Variants in NHLRC3 observed in about 807,000 individuals in gnomAD.
The protein encoded by NHLRC3 is NHL repeat containing 3, also known as NHL repeat-containing protein 3.
In NHLRC3, 23 loss-of-function variants were observed where a neutral mutation model predicts 32.0. The observed-to-expected ratio is 0.72, with a 90% confidence interval of 0.52 to 1.02. NHLRC3 has a LOEUF of 1.02. NHLRC3 is among the 50% of genes least tolerant of loss of function. The pLI, the probability that NHLRC3 is intolerant of heterozygous loss-of-function variation, is 0.00. For synonymous variants in NHLRC3, 159 were observed against 147.9 expected, an observed-to-expected ratio of 1.08 and a Z score of -0.55; for missense variants, 407 against 406.8, an observed-to-expected ratio of 1.00 and a Z score of -0.01.
Position 39,039,597 on chromosome 13 carries a change from A to G in NHLRC3, c.271A>G (p.Thr91Ala), listed in dbSNP as rs760767899. The G allele has an allele frequency of 6.2e-7, 1 of 1,612,410 alleles. No homozygotes were observed. The highest frequency in any genetic ancestry group is 1.1e-5 in the South Asian group (1 of 91,056). The change falls in exon 3 of 7, where the codon ACA (threonine) becomes GCA (alanine). Residue 91 changes from threonine to alanine, a missense_variant. Thr to Ala is a moderately conservative substitution (Grantham distance 58, BLOSUM62 0). Transcript: ENST00000379600. ...GDNIPKILVF[T>A]EDGYFLRAWN... The stretch of plus-strand genomic sequence containing the variant: ...TAACATCCCAAAGATATTAGTGTTC[A>G]CAGAGGATGGATATTTCCTACGAGC...
rs1053636212 is a variant in NHLRC3, at chr13:39,039,192, G to C, written c.141G>C (p.Arg47=). The C allele has an allele frequency of 3.7e-6, 6 of 1,613,720 alleles. No individual in the cohort carries two copies. The East Asian group carries it at 6.7e-5, about 18-fold the overall frequency. ...GGAGAACTGAGAAAATTCTTTACCG[G>C]CTGGATGTGGGTTGGCCTAAGCACC... The part of the protein sequence containing the change: ...VSWRTEKILY[R]LDVGWPKHPE... Residue 47 remains arginine, a synonymous_variant, in exon 2 of 7, where the codon CGG becomes CGC. Transcript: ENST00000379600.
intron 1 of NHLRC3, 144 bp from the exon 2 acceptor site, chr13:39,038,992 C>T (rs1433602384): frequency 8.7e-6 from 6 of 687,884 alleles, no homozygotes; most frequent in Non-Finnish European, 1.2e-5. Flanking sequence ...CATCTAAGCT[C>T]ATTTCTTTGG....
At position 39,038,566 on chromosome 13, in the gene NHLRC3, C is replaced by T. The variant is rs1329552268; in HGVS notation, c.-74C>T. 1.6e-6 allele frequency: 2 copies of T among 1,289,968 alleles called. No individual in the cohort carries two copies. Among genetic ancestry groups the T allele is most frequent in the Non-Finnish European group, 2.3e-6 (2 of 884,708 alleles). 79.9% of individuals were successfully genotyped at this position (1,289,968 alleles called of 1,614,324 possible). A position where few individuals can be genotyped will look rare whatever the true frequency, so the allele number is the denominator to read the frequency against. ...GCAGACCCTCTGTGCCGCTGCAAAC[C>T]GTTGCAGCCTGAGGCTGTCAGGTCC... On this transcript the variant is annotated 5_prime_UTR_variant, in exon 1 of 7. Transcript: ENST00000379600.
chr13:39,047,681 C>T lies in NHLRC3; in HGVS notation c.799C>T (p.Pro267Ser). The change falls in exon 7 of 7, where the codon CCT (proline) becomes TCT (serine). Residue 267 changes from proline to serine, a missense_variant. Transcript: ENST00000379600. The stretch of plus-strand genomic sequence containing the variant: ...AAATGTCTTTCTCCTTAGGTTTACT[C>T]CTGATGGGAAGTACTTGATTGTGGC... The part of the protein sequence containing the change: ...EEGPSSVRFT[P>S]DGKYLIVAQL... The T allele has an allele frequency of 6.2e-7, 1 of 1,612,778 alleles. No individual in the cohort carries two copies. Among genetic ancestry groups the T allele is most frequent in the Non-Finnish European group, 8.5e-7 (1 of 1,178,982 alleles).
Position 39,044,120 on chromosome 13 carries a change from A to T in NHLRC3, c.617A>T (p.Asn206Ile), listed in dbSNP as rs777519063. The T allele has an allele frequency of 6.2e-7, 1 of 1,613,922 alleles. No homozygotes were observed. The highest frequency in any genetic ancestry group is 1.7e-5 in the Admixed American group (1 of 60,024). Residue 206 changes from asparagine to isoleucine, a missense_variant, in exon 5 of 7, where the codon AAT (asparagine) becomes ATT (isoleucine). Physicochemically the swap from Asn to Ile is moderately radical, Grantham distance 149. Coordinates refer to ENST00000379600, the MANE Select transcript of NHLRC3 (RefSeq NM_001012754.4). ...ATGATCCTTTGGCTGCATGGAGAAA[A>T]TGGGACAGGGCCTGCTAAGTTCAAC... ...DFMILWLHGE[N>I]GTGPAKFNIP...
At chr13:39,044,292 G>T in intron 5 of NHLRC3, 111 bp downstream of exon 5, 1 of 782,318 alleles carries the variant, frequency 1.3e-6, no homozygotes, top group Non-Finnish European at 2.2e-6. Flanking sequence ...TATAGATTGT[G>T]GTATACATGT....
chr13:39,039,871 G>T lies in NHLRC3; in HGVS notation c.385+160G>T. The T allele has an allele frequency of 6.9e-6, 4 of 576,856 alleles. No individual in the cohort carries two copies. The South Asian group carries it at 7.6e-5, about 11-fold the overall frequency. The allele number at this position is 576,856 out of a possible 1,614,324, so 35.7% of individuals were successfully genotyped here. ...TTAACAAACTTTATTTTGTACTTCTGTGGAATTAAGAAATTTAACAAGGGC... is the reference window on the plus strand; with the variant it reads ...TTAACAAACTTTATTTTGTACTTCTTTGGAATTAAGAAATTTAACAAGGGC... On this transcript the variant is annotated intron_variant, in intron 3 of 6. Coordinates refer to ENST00000379600, the MANE Select transcript of NHLRC3 (RefSeq NM_001012754.4).
At chr13:39,044,228 T>C (rs1364004338) in intron 5 of NHLRC3, 47 bp downstream of exon 5, 2 of 1,101,094 alleles carry the variant, frequency 1.8e-6, no homozygotes, top group African/African-American at 4.8e-5. Flanking sequence ...TCTGAATATG[T>C]TTGTGTGTGT....
chr13:39,040,487 A>G (rs1315349754), intron 3 of NHLRC3: 1 of 152,236 alleles, frequency 6.6e-6, no homozygotes, highest in African/African-American at 2.4e-5. Context: ...TGACTGAAGC[A>G]TGTCTGAAAT....
chr13:39,039,171 A>G lies in NHLRC3; in HGVS notation c.120A>G (p.Arg40=), dbSNP rs757562276. The part of the protein sequence containing the change: ...LRNFTFAVSW[R]TEKILYRLDV... ...ACTTTACTTTTGCAGTTTCCTGGAG[A>G]ACTGAGAAAATTCTTTACCGGCTGG... Residue 40 remains arginine (R), a synonymous_variant, in exon 2 of 7, where the codon AGA becomes AGG. Coordinates refer to ENST00000379600, the MANE Select transcript of NHLRC3 (RefSeq NM_001012754.4). The G allele has an allele frequency of 1.2e-6, 2 of 1,612,898 alleles. No homozygotes were observed. Among genetic ancestry groups the G allele is most frequent in the Admixed American group, 3.3e-5 (2 of 59,902 alleles).
chr13:39,043,010 G>A (rs1871522140), intron 4 of NHLRC3, among the ~76,000 whole-genome samples: 1 of 152,130 alleles, frequency 6.6e-6, no homozygotes, highest in Admixed American at 6.5e-5. Flanking sequence ...GATTATTAAA[G>A]CCATGTTTTT....
rs1197424913 is a variant in NHLRC3, at chr13:39,042,096, T to G, written c.386-9T>G. ...TTTATTTGTGAGATGTACATATCTA[T>G]CTTTATAGGATTCTTTGGTCATACT... On this transcript the variant is annotated splice_polypyrimidine_tract_variant and intron_variant, in intron 3 of 6. Coordinates refer to ENST00000379600, the MANE Select transcript of NHLRC3 (RefSeq NM_001012754.4). The G allele has an allele frequency of 6.6e-7, 1 of 1,517,922 alleles. No homozygotes were observed. Among genetic ancestry groups the G allele is most frequent in the East Asian group, 2.3e-5 (1 of 44,338 alleles). The allele number at this position is 1,517,922 out of a possible 1,614,324, so 94.0% of individuals were successfully genotyped here. A position where few individuals can be genotyped will look rare whatever the true frequency, so the allele number is the denominator to read the frequency against.
intron 5 of NHLRC3, 51 bp downstream of exon 5, chr13:39,044,232 T>TGGGTGG (rs200936290): frequency 4.6e-5 from 24 of 522,524 alleles, no homozygotes; most frequent in African/African-American, 4.3e-4. Context: ...AATATGTTTG[T>TGGGTGG]GTGTGTGTGT....
intron 3 of NHLRC3, 154 bp downstream of exon 3, chr13:39,039,865 A>G (rs1332222736): frequency 5.0e-6 from 3 of 594,160 alleles, no homozygotes; most frequent in Non-Finnish European, 8.5e-6. Flanking sequence ...TTTATTTTGT[A>G]CTTCTGTGGA....
In NHLRC3 at chr13:39,048,416, C is replaced by G. The variant is rs1871772995; in HGVS notation, c.*490C>G. 1 of 152,792 alleles carries G rather than the reference C, an allele frequency of 6.5e-6. No homozygotes were observed. The highest frequency in any genetic ancestry group is 2.1e-4 in the South Asian group (1 of 4,862). The allele number at this position is 152,792 out of a possible 1,614,324, so 9.5% of individuals were successfully genotyped here. A position where few individuals can be genotyped will look rare whatever the true frequency, so the allele number is the denominator to read the frequency against. ...CTTAAAAATGAAAAAGCAGGATTGC[C>G]TTTTGAGTAGCTTGCAGTCTAGTGG... On this transcript the variant is annotated 3_prime_UTR_variant, in exon 7 of 7. Coordinates refer to ENST00000379600, the MANE Select transcript of NHLRC3 (RefSeq NM_001012754.4).
In NHLRC3 at chr13:39,047,969, C is replaced by G. The variant is rs377293280; in HGVS notation, c.*43C>G. 5 of 1,501,922 alleles carry G rather than the reference C, an allele frequency of 3.3e-6. No homozygotes were observed. The Admixed American group carries it at 5.2e-5, about 16-fold the overall frequency. The allele number at this position is 1,501,922 out of a possible 1,614,324, so 93.0% of individuals were successfully genotyped here. ...TATTTCAAGTGGCAGTTCAGATTCT[C>G]AATTCACTAAGTGCTTAAAAATGAT... On this transcript the variant is annotated 3_prime_UTR_variant, in exon 7 of 7. Coordinates refer to ENST00000379600, the MANE Select transcript of NHLRC3 (RefSeq NM_001012754.4).
In NHLRC3 at chr13:39,048,219, G is replaced by T; in HGVS notation, c.*293G>T. 1 of 205,522 alleles carries T rather than the reference G, an allele frequency of 4.9e-6. No homozygotes were observed. The highest frequency in any genetic ancestry group is 9.7e-6 in the Non-Finnish European group (1 of 103,238). The allele number at this position is 205,522 out of a possible 1,614,324, so 12.7% of individuals were successfully genotyped here. A position where few individuals can be genotyped will look rare whatever the true frequency, so the allele number is the denominator to read the frequency against. On this transcript the variant is annotated 3_prime_UTR_variant, in exon 7 of 7. Coordinates refer to ENST00000379600, the MANE Select transcript of NHLRC3 (RefSeq NM_001012754.4). ...TGCCCTGGTAGACTGATTCTCCCTG[G>T]GTAAAAAAAATGGGAATAAAAATGA...
At position 39,038,482 on chromosome 13, in the gene NHLRC3, G is replaced by A. The variant is rs993740775; in HGVS notation, c.-158G>A. The A allele has an allele frequency of 5.9e-5, 39 of 664,894 alleles. No homozygotes were observed. The highest frequency in any genetic ancestry group is 1.0e-4 in the Non-Finnish European group (37 of 368,234). 41.2% of individuals were successfully genotyped at this position (664,894 alleles called of 1,614,324 possible). On this transcript the variant is annotated 5_prime_UTR_variant, in exon 1 of 7. Coordinates refer to ENST00000379600, the MANE Select transcript of NHLRC3 (RefSeq NM_001012754.4). ...TTCGCCCTGGTCTCTGTTCCCTTTC[G>A]TACTCAAAGCTCGTGCATCCAGGGA... is the stretch of plus-strand genomic sequence containing the variant.
chr13:39,046,374 G>A (rs1329665410), intron 5 of NHLRC3, among the ~76,000 whole-genome samples: 1 of 152,194 alleles, frequency 6.6e-6, no homozygotes, highest in East Asian at 1.9e-4. Flanking sequence ...ATGTGGCCAT[G>A]AAATGTCATT....
Sources: allele counts gnomAD v4.1 joint callset (sites outside exome capture counted in the v4.1 genomes callset), GRCh38; gene constraint gnomAD v4.1.1; transcripts MANE v1.5; gene names NCBI Gene and HGNC (gene_info 2026-07-23, HGNC 2026-07-21).